The following CCDC122 variants were observed in gnomAD, a reference collection of about 807,000 sequenced individuals.
CCDC122 encodes the protein coiled-coil domain-containing protein 122.
A neutral mutation model predicts 37.0 loss-of-function variants in CCDC122; 38 were observed. That is an observed-to-expected ratio of 1.03 (90% CI 0.79 to 1.35). The LOEUF (loss-of-function observed/expected upper bound fraction) is 1.35, where lower values mean the gene tolerates loss of function less well. Among genes scored for constraint, CCDC122 ranks in the 40% most tolerant of loss-of-function variants. CCDC122 has a pLI of 0.00. For missense variants in CCDC122, 305 were observed against 310.0 expected (o/e 0.98, Z 0.12); for synonymous variants, 83 against 95.6 (o/e 0.87, Z 0.77).
At chr13:43,823,187 C>CA (rs1417570965), downstream of CCDC122, among the ~76,000 whole-genome samples, 1 of 152,068 alleles carries the variant, frequency 6.6e-6, no homozygotes, top group Non-Finnish European at 1.5e-5. Context: ...TCCTTCCCTT[C>CA]AAGGCAGCAG....
intron 6 of CCDC122, among the ~76,000 whole-genome samples, chr13:43,850,531 A>G (rs1284143303): frequency 2.6e-5 from 4 of 152,252 alleles, no homozygotes; most frequent in Non-Finnish European, 5.9e-5. Context: ...ACAATAACCA[A>G]AGTGAAGAGT....
At chr13:43,865,442 C>T (rs1382693254) in intron 4 of CCDC122, among the ~76,000 whole-genome samples, 2 of 152,084 alleles carry the variant, frequency 1.3e-5, no homozygotes, top group Admixed American at 6.6e-5. Context: ...ATGGACAGTA[C>T]TGAACTCTAT....
intron 6 of CCDC122, among the ~76,000 whole-genome samples, chr13:43,841,083 A>G (rs1953334848): frequency 6.6e-6 from 1 of 152,206 alleles, no homozygotes. Context: ...TGGGTGCAGG[A>G]CAGTGGGTGC....
At chr13:43,843,778 G>T (rs1216350393) in intron 6 of CCDC122, among the ~76,000 whole-genome samples, 3 of 151,496 alleles carry the variant, frequency 2.0e-5, no homozygotes, top group Non-Finnish European at 4.4e-5. Context: ...AATTTGAAAT[G>T]GATCATAAGG....
chr13:43,879,560 C>G (rs1173258540), intron 1 of CCDC122, 71 bp downstream of exon 1: 1 of 152,248 alleles, frequency 6.6e-6, no homozygotes, highest in Non-Finnish European at 1.5e-5. Flanking sequence ...CTTGGCTCAT[C>G]CCGGGATTCC....
chr13:43,834,475 A>C (rs1360803788), downstream of CCDC122, among the ~76,000 whole-genome samples: 3 of 152,250 alleles, frequency 2.0e-5, no homozygotes, highest in Admixed American at 1.3e-4. Flanking sequence ...TAATTAAACT[A>C]AAGAGCTTCT....
At chr13:43,874,076 G>T (rs1221021672) in intron 2 of CCDC122, among the ~76,000 whole-genome samples, 1 of 152,266 alleles carries the variant, frequency 6.6e-6, no homozygotes, top group South Asian at 2.1e-4. Flanking sequence ...TTTCTGGGAA[G>T]ATATGGTCTT....
chr13:43,826,183 T>A (rs1403198178), intron 3 of CCDC122, among the ~76,000 whole-genome samples: 2 of 152,182 alleles, frequency 1.3e-5, no homozygotes, highest in Non-Finnish European at 2.9e-5. Context: ...TTTGGTAAGG[T>A]ACATTTAGCC....
At chr13:43,860,149 GA>G in intron 4 of CCDC122, 79 bp from the exon 5 acceptor site, 1 of 296,374 alleles carries the variant, frequency 3.4e-6, no homozygotes, top group Non-Finnish European at 4.5e-6. Flanking sequence ...AATCCATAAT[GA>G]ATATAGGAAA....
intron 6 of CCDC122, among the ~76,000 whole-genome samples, chr13:43,853,680 G>A (rs1473353761): frequency 2.0e-5 from 3 of 152,174 alleles, no homozygotes; most frequent in African/African-American, 7.2e-5. Flanking sequence ...CAAAACAGCA[G>A]AATATACATT....
intron 1 of CCDC122, among the ~76,000 whole-genome samples, chr13:43,878,846 G>C (rs1290904102): frequency 6.6e-6 from 1 of 152,216 alleles, no homozygotes; most frequent in Admixed American, 6.5e-5. Flanking sequence ...CACAAGTGAA[G>C]GCGCTCGGAA....
chr13:43,865,378 T>G (rs1479409161), intron 4 of CCDC122, among the ~76,000 whole-genome samples: 1 of 152,036 alleles, frequency 6.6e-6, no homozygotes, highest in East Asian at 1.9e-4. Context: ...GATACAGTAC[T>G]CCCTCCTTAT....
chr13:43,864,018 A>G (rs545995469), intron 4 of CCDC122, among the ~76,000 whole-genome samples: 26 of 152,190 alleles, frequency 1.7e-4, no homozygotes, highest in African/African-American at 6.3e-4. Flanking sequence ...TAATTTTTGT[A>G]TATGGTTTGA....
chr13:43,835,112 A>G (rs1481742708), downstream of CCDC122, among the ~76,000 whole-genome samples: 1 of 152,134 alleles, frequency 6.6e-6, no homozygotes, highest in East Asian at 1.9e-4. Context: ...CATATACACC[A>G]TGGAATACTA....
In CCDC122 at chr13:43,829,725, G is replaced by A. The variant is rs754407043; in HGVS notation, n.602-5714C>T. On this transcript the variant is annotated intron_variant and non_coding_transcript_variant, in intron 3 of 3. Coordinates refer to the CCDC122 transcript ENST00000470137. ...ATGTCCCTGTCTTTGTCATCCAGTC[G>A]GAATGAGAACAACCAAAATATTTTC... is the stretch of plus-strand genomic sequence containing the variant. Among the ~76,000 whole-genome samples the A allele has an allele frequency of 2.6e-5, 4 of 152,070 alleles. No individual in the cohort carries two copies. In the East Asian group the frequency reaches 5.8e-4, roughly 22 times the overall value.
intron 3 of CCDC122, among the ~76,000 whole-genome samples, chr13:43,826,361 C>T (rs1566937031): frequency 6.6e-6 from 1 of 152,172 alleles, no homozygotes; most frequent in Non-Finnish European, 1.5e-5. Context: ...ATAAAACACA[C>T]ACTATCTCTT....
chr13:43,819,112 G>C (rs959291719), downstream of CCDC122, among the ~76,000 whole-genome samples: 3 of 152,074 alleles, frequency 2.0e-5, no homozygotes, highest in South Asian at 4.1e-4. Flanking sequence ...TTAGATAAAA[G>C]CATATTAAAA....
rs1030208600 is a variant in CCDC122, at chr13:43,866,486, T to C, written c.156+2208A>G. Among the ~76,000 whole-genome samples the C allele has an allele frequency of 1.4e-4, 22 of 152,212 alleles. No individual in the cohort carries two copies. The South Asian group carries it at 1.4e-3, about 10-fold the overall frequency. On this transcript the variant is annotated intron_variant, in intron 4 of 6. Coordinates refer to ENST00000444614, the MANE Select transcript of CCDC122 (RefSeq NM_144974.5). ...TTCTCTCCCAAAAGCCTGCTGAAAT[T>C]TTGACTGGGACTGCATTTCATGTAT...
chr13:43,843,242 A>G (rs954390025), intron 6 of CCDC122, among the ~76,000 whole-genome samples: 14 of 152,026 alleles, frequency 9.2e-5, no homozygotes, highest in Non-Finnish European at 1.9e-4. Flanking sequence ...CTCAGAAAAT[A>G]TGCTATTCTC....
Sources: allele counts gnomAD v4.1 joint callset (sites outside exome capture counted in the v4.1 genomes callset), GRCh38; gene constraint gnomAD v4.1.1; transcripts MANE v1.5; gene names NCBI Gene and HGNC (gene_info 2026-07-23, HGNC 2026-07-21).